Variants in ATG9B observed in about 807,000 individuals in gnomAD.
The protein encoded by ATG9B is autophagy related 9B.
A neutral mutation model predicts 92.9 loss-of-function variants in ATG9B; 92 were observed. That is an observed-to-expected ratio of 0.99 (90% confidence interval 0.84 to 1.18). The LOEUF (loss-of-function observed/expected upper bound fraction) is 1.18. Ranked by LOEUF, ATG9B falls within the 50% of genes most tolerant of loss-of-function variation. ATG9B has a pLI of 0.00. For synonymous variants in ATG9B, 599 were observed against 551.4 expected (o/e 1.09, Z -1.21); for missense variants, 1,344 against 1,235.0 (o/e 1.09, Z -1.32).
rs754343317 is a variant in ATG9B, at chr7:151,019,244, G to C, written c.1094C>G (p.Thr365Ser). Residue 365 changes from threonine to serine, a missense_variant, in exon 6 of 14, where the codon ACC (threonine) becomes AGC (serine). Physicochemically the swap from Thr to Ser is moderately conservative, Grantham distance 58 (BLOSUM62 1). Coordinates refer to ENST00000639579, the MANE Select transcript of ATG9B (RefSeq NM_001317056.2). ...GTTGGCCAGCGCCACCTGGTAGTTG[G>C]TGTAGCGCAGGATGCGGTGGTGGAT... ...LDIHHRILRY[T>S]NYQVALANKG... 1.3e-6 allele frequency: 2 copies of C among 1,561,404 alleles called. No individual in the cohort carries two copies. The highest frequency in any genetic ancestry group is 2.7e-5 in the African/African-American group (2 of 74,016).
In ATG9B at chr7:151,017,053, T is replaced by C; in HGVS notation, c.2272A>G (p.Asn758Asp). 1 of 1,596,228 alleles carries C rather than the reference T, an allele frequency of 6.3e-7. No individual in the cohort carries two copies. The highest frequency in any genetic ancestry group is 8.5e-7 in the Non-Finnish European group (1 of 1,172,190). Reference protein sequence around the residue: ...RGPSTPGVLSNCTSPLPEAFL... With the variant: ...RGPSTPGVLSDCTSPLPEAFL... ...GGACTCACCAGGGGCGAGGTGCAGTTGCTGAGCACCCCCGGGGTGGAGGGG... is the reference window on the plus strand; with the variant it reads ...GGACTCACCAGGGGCGAGGTGCAGTCGCTGAGCACCCCCGGGGTGGAGGGG... Residue 758 changes from asparagine (N) to aspartate (D), a missense_variant, in exon 9 of 14, where the codon AAC (asparagine) becomes GAC (aspartate). Coordinates refer to ENST00000639579, the MANE Select transcript of ATG9B (RefSeq NM_001317056.2).
chr7:151,018,250 A>AC lies in ATG9B; in HGVS notation c.1872+43dup. 6.6e-7 allele frequency: 1 copy of AC among 1,510,274 alleles called. No homozygotes were observed. Among genetic ancestry groups the AC allele is most frequent in the Non-Finnish European group, 8.8e-7 (1 of 1,138,572 alleles). The allele number at this position is 1,510,274 out of a possible 1,614,324, so 93.6% of individuals were successfully genotyped here. A position where few individuals can be genotyped will look rare whatever the true frequency, so the allele number is the denominator to read the frequency against. ...GCAGACAGACCCTCCGCGCAGACAG[A>AC]CCCCACAACTTCCTCCTCAGCCCGC... On this transcript the variant is annotated intron_variant, in intron 7 of 13. Transcript: ENST00000639579. The surrounding 1 kb of genome is among the most constrained non-coding windows in gnomAD (Gnocchi z 4.7).
Position 151,019,223 on chromosome 7 carries a change from GC to G in ATG9B, c.1114del (p.Ala372ProfsTer60). ...LRYTNYQVAL[A>X]NKGLLPARCP... Reference sequence around the variant, plus strand: ...GCGGGCCGGCAGCAGGCCTTTGTTGGCCAGCGCCACCTGGTAGTTGGTGTAG... The same window carrying G: ...GCGGGCCGGCAGCAGGCCTTTGTTGGCAGCGCCACCTGGTAGTTGGTGTAG... On this transcript the variant is annotated frameshift_variant, in exon 6 of 14. Coordinates refer to ENST00000639579, the MANE Select transcript of ATG9B (RefSeq NM_001317056.2). LOFTEE classifies it high-confidence loss of function. The G allele has an allele frequency of 6.5e-7, 1 of 1,545,770 alleles. No individual in the cohort carries two copies. The highest frequency in any genetic ancestry group is 8.7e-7 in the Non-Finnish European group (1 of 1,151,080).
chr7:151,016,319 GCCT>G (rs1311422173), intron 11 of ATG9B, 84 bp from the exon 12 acceptor site: 2 of 1,480,186 alleles, frequency 1.4e-6, no homozygotes, highest in African/African-American at 1.4e-5. Context: ...GGGCTTTTCA[GCCT>G]CCTCCTGCCA....
Position 151,017,243 on chromosome 7 carries a change from C to A in ATG9B, c.2082G>T (p.Ser694=). The A allele has an allele frequency of 6.2e-7, 1 of 1,604,440 alleles. No homozygotes were observed. Among genetic ancestry groups the A allele is most frequent in the Non-Finnish European group, 8.5e-7 (1 of 1,174,044 alleles). ...TGCCGTCCTCCGCACGCTGAGACAG[C>A]GAGGCCTCAGTCTGTCCCGCCGAGA... ...QWLSAGQTEA[S]LSQRAEDGKT... Residue 694 remains serine, a synonymous_variant, in exon 9 of 14, where the codon TCG becomes TCT. Coordinates refer to ENST00000639579, the MANE Select transcript of ATG9B (RefSeq NM_001317056.2).
Position 151,023,681 on chromosome 7 carries a change from G to A in ATG9B, c.594+6C>T, listed in dbSNP as rs748431354. The stretch of plus-strand genomic sequence containing the variant: ...GCCACCTCTGCAGGCCTAGCGCAAA[G>A]GATATCTTGGTGAAGAAACTGTCCA... On this transcript the variant is annotated splice_donor_region_variant and intron_variant, in intron 2 of 13. Coordinates refer to ENST00000639579, the MANE Select transcript of ATG9B (RefSeq NM_001317056.2). 5.6e-6 allele frequency: 9 copies of A among 1,613,908 alleles called. No homozygotes were observed. The highest frequency in any genetic ancestry group is 3.3e-5 in the Admixed American group (2 of 60,006).
Position 151,019,179 on chromosome 7 carries a change from C to T in ATG9B, c.1159G>A (p.Gly387Ser). Residue 387 changes from glycine (G) to serine (S), a missense_variant, in exon 6 of 14, where the codon GGC (glycine) becomes AGC (serine). Physicochemically the swap from Gly to Ser is moderately conservative, Grantham distance 56 (BLOSUM62 0). Coordinates refer to ENST00000639579, the MANE Select transcript of ATG9B (RefSeq NM_001317056.2). ...LPARCPLPWG[G>S]SAAFLSRGLA... ...CCGCGGCTGAGGAAAGCCGCACTGC[C>T]TCCCCAGGGCAGCGGGCAGCGGGCC... The T allele has an allele frequency of 6.5e-7, 1 of 1,536,788 alleles. No individual in the cohort carries two copies. Among genetic ancestry groups the T allele is most frequent in the Non-Finnish European group, 8.7e-7 (1 of 1,146,576 alleles).
rs1276036725 is a variant in ATG9B at position 151,015,925 on chromosome 7, CCTT to C, written c.2743_2745del (p.Lys915del). 4 of 1,551,576 alleles carry C rather than the reference CCTT, an allele frequency of 2.6e-6. No homozygotes were observed. Among genetic ancestry groups the C allele is most frequent in the African/African-American group, 2.7e-5 (2 of 73,062 alleles). On this transcript the variant is annotated inframe_deletion, in exon 13 of 14. Coordinates refer to ENST00000639579, the MANE Select transcript of ATG9B (RefSeq NM_001317056.2). ...TCAGTGCAAGAGGCCCGGTCAGGCT[CCTT>C]CTGGGTGTCTGTGGTCACCTGAAAC...
Position 151,015,871 on chromosome 7 carries a change from G to C in ATG9B, c.*14+11C>G. 6.5e-7 allele frequency: 1 copy of C among 1,548,700 alleles called. No individual in the cohort carries two copies. The highest frequency in any genetic ancestry group is 1.4e-5 in the African/African-American group (1 of 73,000). On this transcript the variant is annotated intron_variant, in intron 13 of 13. Coordinates refer to ENST00000639579, the MANE Select transcript of ATG9B (RefSeq NM_001317056.2). ...TCCTTTCTCCCTCCCCTCACAGGAG[G>C]CAATACTGACCCTGAGGAGTCGTCT...
Position 151,024,403 on chromosome 7 carries a change from C to A in ATG9B, c.21G>T (p.Trp7Cys), listed in dbSNP as rs200255599. 8.3e-4 allele frequency: 1,136 copies of A among 1,375,704 alleles called. 3 individuals carry two copies. Among genetic ancestry groups the A allele is most frequent in the East Asian group, 1.8e-3 (65 of 36,938 alleles). The allele number at this position is 1,375,704 out of a possible 1,614,324, so 85.2% of individuals were successfully genotyped here. A position where few individuals can be genotyped will look rare whatever the true frequency, so the allele number is the denominator to read the frequency against. Reference sequence around the variant, plus strand: ...GCCCCAGCCGCCTTCTTCTCCCCCCCCAGCCCATTCGGCTCACCATCAGGC... The same window carrying A: ...GCCCCAGCCGCCTTCTTCTCCCCCCACAGCCCATTCGGCTCACCATCAGGC... The part of the protein sequence containing the change: MVSRMG[W>C]GGRRRRLGRW... Residue 7 changes from tryptophan (W) to cysteine (C), a missense_variant, in exon 1 of 14, where the codon TGG becomes TGT. Coordinates refer to ENST00000639579, the MANE Select transcript of ATG9B (RefSeq NM_001317056.2).
chr7:151,017,731 G>T, intron 8 of ATG9B, 140 bp downstream of exon 8: 1 of 1,070,244 alleles, frequency 9.3e-7, no homozygotes. Flanking sequence ...ACGAGGGCAC[G>T]AGAGCACAGG....
At position 151,018,676 on chromosome 7, in the gene ATG9B, G is replaced by A; in HGVS notation, c.1662C>T (p.Ala554=). 1 of 1,606,300 alleles carries A rather than the reference G, an allele frequency of 6.2e-7. No individual in the cohort carries two copies. The highest frequency in any genetic ancestry group is 8.5e-7 in the Non-Finnish European group (1 of 1,178,496). The change falls in exon 6 of 14, where the codon GCC becomes GCT. Residue 554 remains alanine (A), a synonymous_variant. Transcript: ENST00000639579. The surrounding 1 kb of genome is among the most constrained non-coding windows in gnomAD (Gnocchi z 4.7). ...TCATGGCGGTGAGCACGTGCTCCAC[G>A]GCTAGCACGTCCTCGTCGTAGACGG... ...VLTVYDEDVL[A]VEHVLTAMTA... is the part of the protein sequence containing the mutation.
downstream of ATG9B, chr7:151,013,129 C>A: frequency 7.4e-7 from 1 of 1,344,092 alleles, no homozygotes; most frequent in Non-Finnish European, 1.0e-6. Flanking sequence ...GGTTTCAGCC[C>A]AAAACGCTGG....
Position 151,018,171 on chromosome 7 carries a change from A to G in ATG9B, c.1873-121T>C. 6 of 1,468,098 alleles carry G rather than the reference A, an allele frequency of 4.1e-6. No individual in the cohort carries two copies. The South Asian group carries it at 7.0e-5, about 17-fold the overall frequency. 90.9% of individuals were successfully genotyped at this position (1,468,098 alleles called of 1,614,324 possible). A position where few individuals can be genotyped will look rare whatever the true frequency, so the allele number is the denominator to read the frequency against. ...AAGCCTCCCCACCCAGTCACTCCCTAGACTCCTGGTATAGTCCGTTTGTCT... is the reference window on the plus strand; with the variant it reads ...AAGCCTCCCCACCCAGTCACTCCCTGGACTCCTGGTATAGTCCGTTTGTCT... On this transcript the variant is annotated intron_variant, in intron 7 of 13. Transcript: ENST00000639579. The surrounding 1 kb of genome is among the most constrained non-coding windows in gnomAD (Gnocchi z 4.7).
downstream of ATG9B, chr7:151,013,208 C>T: frequency 6.2e-7 from 1 of 1,603,046 alleles, no homozygotes; most frequent in South Asian, 1.1e-5. Context: ...GAAGAGCCTT[C>T]CCAAGCGCGG....
At chr7:151,017,748 A>T in intron 8 of ATG9B, 123 bp downstream of exon 8, 1 of 1,213,164 alleles carries the variant, frequency 8.2e-7, no homozygotes, top group Non-Finnish European at 1.1e-6. Flanking sequence ...CAGGAAGGGA[A>T]GTGACCCGCT....
At position 151,024,234 on chromosome 7, in the gene ATG9B, AG is replaced by A; in HGVS notation, c.189del (p.Ser64ProfsTer42). The A allele has an allele frequency of 1.4e-6, 2 of 1,474,274 alleles. No individual in the cohort carries two copies. The highest frequency in any genetic ancestry group is 1.5e-5 in the South Asian group (1 of 67,880). 91.3% of individuals were successfully genotyped at this position (1,474,274 alleles called of 1,614,324 possible). A position where few individuals can be genotyped will look rare whatever the true frequency, so the allele number is the denominator to read the frequency against. Reference protein sequence around the residue: ...LSPAPHTRSSPSSFSPPTAGP... With the variant: ...LSPAPHTRSSXSSFSPPTAGP... Reference sequence around the variant, plus strand: ...CCTGCGGTGGGAGGGGAAAATGAGGAGGGGGAGCTTCTTGTATGAGGGGCAG... The same window carrying A: ...CCTGCGGTGGGAGGGGAAAATGAGGAGGGGAGCTTCTTGTATGAGGGGCAG... On this transcript the variant is annotated frameshift_variant, in exon 1 of 14. Transcript: ENST00000639579. LOFTEE classifies it high-confidence loss of function.
chr7:151,019,138 G>T lies in ATG9B; in HGVS notation c.1200C>A (p.Val400=), dbSNP rs1795650540. The T allele has an allele frequency of 3.3e-6, 5 of 1,535,824 alleles. No individual in the cohort carries two copies. The highest frequency in any genetic ancestry group is 1.4e-5 in the African/African-American group (1 of 73,036). The change falls in exon 6 of 14, where the codon GTC becomes GTA. Residue 400 remains valine (V), a synonymous_variant. Transcript: ENST00000639579. ...AFLSRGLALN[V]DLLLFRGPFS... is the part of the protein sequence containing the mutation. The stretch of plus-strand genomic sequence containing the variant: ...AGGGACCGCGGAAGAGCAGCAGGTC[G>T]ACATTGAGCGCCAGGCCGCGGCTGA...
rs764237263 is a variant in ATG9B, at chr7:151,018,461, TC to T, written c.1719-15del. ...GGAATGAAAGACCTGAAAGGCGGGA[TC>T]CGTGGGGGGAAGGGGCCTGCGATTA... On this transcript the variant is annotated splice_polypyrimidine_tract_variant and intron_variant, in intron 6 of 13. Coordinates refer to ENST00000639579, the MANE Select transcript of ATG9B (RefSeq NM_001317056.2). The surrounding 1 kb of genome is among the most constrained non-coding windows in gnomAD (Gnocchi z 4.7). The T allele has an allele frequency of 1.8e-5, 27 of 1,520,984 alleles. No homozygotes were observed. The highest frequency in any genetic ancestry group is 1.4e-5 in the Non-Finnish European group (16 of 1,135,308). 94.2% of individuals were successfully genotyped at this position (1,520,984 alleles called of 1,614,324 possible).
Sources: gnomAD v4.1 joint callset for allele counts on GRCh38, gnomAD v4.1.1 for gene constraint, Gnocchi (gnomAD v3.1) non-coding constraint, MANE v1.5 for transcripts, NCBI Gene and HGNC (gene_info 2026-07-23, HGNC 2026-07-21) for gene names.